The following GRM5 variants were observed in gnomAD, a reference collection of about 807,000 sequenced individuals.
GRM5 encodes glutamate metabotropic receptor 5.
In GRM5, 19 loss-of-function variants were observed where a neutral mutation model predicts 83.1. The ratio of observed to expected loss-of-function variants is 0.23; its 90% CI spans 0.16 to 0.34. The LOEUF is 0.34. Ranked by LOEUF, GRM5 falls within the 10% of genes least tolerant of loss-of-function variation. The probability of loss-of-function intolerance (pLI) is 1.00; values close to 1 mark genes in which losing one functional copy is unlikely to be tolerated. For synonymous variants in GRM5, 675 were observed against 633.6 expected, an observed-to-expected ratio of 1.07 and a Z score of -0.98; for missense variants, 1,160 against 1,588.3, an observed-to-expected ratio of 0.73 and a Z score of 4.58.
intron 3 of GRM5, among the ~76,000 whole-genome samples, chr11:88,752,828 A>G (rs771677078): frequency 2.6e-5 from 4 of 152,234 alleles, no homozygotes; most frequent in Non-Finnish European, 5.9e-5. Flanking sequence ...CTAATCTTTG[A>G]CAAACCTGAC....
intron 3 of GRM5, among the ~76,000 whole-genome samples, chr11:88,752,452 A>G (rs1942299193): frequency 6.6e-6 from 1 of 152,238 alleles, no homozygotes; most frequent in Non-Finnish European, 1.5e-5. Flanking sequence ...TAAATGAGAG[A>G]GGACACAAAC....
chr11:88,851,457 TA>T (rs935371564), intron 2 of GRM5, among the ~76,000 whole-genome samples: 3 of 152,282 alleles, frequency 2.0e-5, no homozygotes, highest in Admixed American at 6.5e-5. Context: ...ACTACATGTC[TA>T]TAACTGCAAT....
chr11:88,994,011 C>G (rs1478469850), intron 2 of GRM5, among the ~76,000 whole-genome samples: 2 of 152,020 alleles, frequency 1.3e-5, no homozygotes, highest in African/African-American at 4.8e-5. Context: ...AAGCACTGTA[C>G]CAACCTCAGT....
rs535501601 is a variant in GRM5 at position 88,879,449 on chromosome 11, TA to T, written c.662-29295del. On this transcript the variant is annotated intron_variant, in intron 2 of 9. Transcript: ENST00000305447. ...ATATTAATATTATATTAATAATTAATAAAAAATGGCAATGCTAGTAGAAAAA... is the reference window on the plus strand; with the variant it reads ...ATATTAATATTATATTAATAATTAATAAAAATGGCAATGCTAGTAGAAAAA... Among the ~76,000 whole-genome samples, 29 of 151,558 alleles carry T rather than the reference TA, an allele frequency of 1.9e-4. No homozygotes were observed. The South Asian group carries it at 5.6e-3, about 29-fold the overall frequency.
chr11:88,719,238 A>C (rs985569500), intron 3 of GRM5, among the ~76,000 whole-genome samples: 4 of 151,774 alleles, frequency 2.6e-5, no homozygotes, highest in African/African-American at 9.7e-5. Context: ...CCTCTGAAAC[A>C]CCCAGTGTAT....
At chr11:88,699,984 G>C (rs1424651242) in intron 3 of GRM5, among the ~76,000 whole-genome samples, 1 of 152,134 alleles carries the variant, frequency 6.6e-6, no homozygotes, top group African/African-American at 2.4e-5. Flanking sequence ...GACCTTAGGG[G>C]AGTCCTGAAA....
At chr11:88,970,543 T>C (rs571740875) in intron 2 of GRM5, among the ~76,000 whole-genome samples, 2 of 152,280 alleles carry the variant, frequency 1.3e-5, no homozygotes, top group South Asian at 4.1e-4. Flanking sequence ...AGAAGAAACA[T>C]TGATTTATCT....
intron 3 of GRM5, among the ~76,000 whole-genome samples, chr11:88,663,430 T>C (rs1372542283): frequency 6.6e-6 from 1 of 152,222 alleles, no homozygotes; most frequent in Non-Finnish European, 1.5e-5. Flanking sequence ...TTTGTTTCTC[T>C]CATCATATTA....
At chr11:88,771,972 G>A (rs1028649384) in intron 3 of GRM5, among the ~76,000 whole-genome samples, 1 of 151,926 alleles carries the variant, frequency 6.6e-6, no homozygotes, top group African/African-American at 2.4e-5. Flanking sequence ...AACCTTTGGA[G>A]ACTGACTTCT....
At chr11:89,024,478 C>T (rs930767797) in intron 2 of GRM5, among the ~76,000 whole-genome samples, 3 of 152,124 alleles carry the variant, frequency 2.0e-5, no homozygotes, top group Admixed American at 2.0e-4. Flanking sequence ...TTTATTTTGG[C>T]ATTAAATTCA....
chr11:88,918,679 C>T (rs1426865947), intron 2 of GRM5, among the ~76,000 whole-genome samples: 1 of 151,726 alleles, frequency 6.6e-6, no homozygotes, highest in African/African-American at 2.4e-5. Context: ...AATAATAACT[C>T]CAACAACTTT....
At chr11:88,736,946 A>T (rs1413727247) in intron 3 of GRM5, among the ~76,000 whole-genome samples, 4 of 152,192 alleles carry the variant, frequency 2.6e-5, no homozygotes, top group Middle Eastern at 3.4e-3. Flanking sequence ...ACAGCCTCCA[A>T]GTCTGTCCCT....
chr11:88,672,901 A>G (rs949741159), intron 3 of GRM5, among the ~76,000 whole-genome samples: 2 of 151,966 alleles, frequency 1.3e-5, no homozygotes, highest in African/African-American at 2.4e-5. Flanking sequence ...CTGAGGGTAC[A>G]GTGGTAATCA....
At chr11:88,986,727 CTT>C (rs60281684) in intron 2 of GRM5, among the ~76,000 whole-genome samples, 975 of 93,086 alleles carry the variant, frequency 0.01, 10 homozygotes, top group African/African-American at 0.037. Flanking sequence ...TTTATTTTTG[CTT>C]TTTTTTTTTT....
intron 4 of GRM5, among the ~76,000 whole-genome samples, chr11:88,636,378 G>GGTATGCTCCT (rs1158617583): frequency 3.0e-4 from 46 of 152,228 alleles, no homozygotes; most frequent in African/African-American, 1.0e-3. Flanking sequence ...TGGGCTTGGT[G>GGTATGCTCCT]GTATGCTCCT....
chr11:88,877,923 T>C (rs1273203827), intron 2 of GRM5, among the ~76,000 whole-genome samples: 3 of 151,744 alleles, frequency 2.0e-5, no homozygotes, highest in Non-Finnish European at 2.9e-5. Flanking sequence ...AGTTAGTGGG[T>C]GCAGCGCACC....
chr11:89,005,685 AT>A (rs1940504141), intron 2 of GRM5, among the ~76,000 whole-genome samples: 1 of 152,182 alleles, frequency 6.6e-6, no homozygotes, highest in South Asian at 2.1e-4. Context: ...TGTGCCTGGC[AT>A]TTAGGAGGTG....
intron 4 of GRM5, among the ~76,000 whole-genome samples, chr11:88,635,615 T>G (rs945322187): frequency 6.6e-6 from 1 of 152,194 alleles, no homozygotes; most frequent in Non-Finnish European, 1.5e-5. Flanking sequence ...TTGCAAATAT[T>G]CTCTTCCATT....
chr11:88,566,964 A>G, intron 8 of GRM5, 89 bp downstream of exon 8: 1 of 814,062 alleles, frequency 1.2e-6, no homozygotes, highest in African/African-American at 1.7e-5. Flanking sequence ...TCATTTACCC[A>G]GATTTCTCCC....
Sources: gnomAD v4.1 joint callset for allele counts (sites outside exome capture counted in the v4.1 genomes callset) on GRCh38, gnomAD v4.1.1 for gene constraint, MANE v1.5 for transcripts, NCBI Gene and HGNC (gene_info 2026-07-23, HGNC 2026-07-21) for gene names.